Variants in BDKRB2 observed in about 807,000 individuals in gnomAD.
BDKRB2 encodes the protein B2 bradykinin receptor.
A neutral mutation model predicts 4.0 loss-of-function variants in BDKRB2; 6 were observed. That is an observed-to-expected ratio of 1.49 (90% CI 0.81 to 2.93). The LOEUF (loss-of-function observed/expected upper bound fraction) is 2.93, where lower values mean the gene tolerates loss of function less well. BDKRB2 is among the 30% of genes most tolerant of loss of function. BDKRB2 has a pLI of 0.00. For synonymous variants in BDKRB2, 225 were observed against 215.3 expected (o/e 1.05, Z -0.40); for missense variants, 478 against 520.1 (o/e 0.92, Z 0.79).
chr14:96,236,506 A>G (rs529838270), intron 1 of BDKRB2, among the ~76,000 whole-genome samples: 9 of 152,208 alleles, frequency 5.9e-5, no homozygotes, highest in African/African-American at 1.4e-4. Flanking sequence ...TCCATGTCCA[A>G]TCAAGCACTA....
At position 96,240,318 on chromosome 14, in the gene BDKRB2, C is replaced by T. The variant is rs143088846; in HGVS notation, c.75-85C>T. The T allele has an allele frequency of 1.5e-4, 208 of 1,378,122 alleles. 3 individuals carry two copies. The African/African-American group carries it at 1.7e-3, about 11-fold the overall frequency. 85.4% of individuals were successfully genotyped at this position (1,378,122 alleles called of 1,614,324 possible). A position where few individuals can be genotyped will look rare whatever the true frequency, so the allele number is the denominator to read the frequency against. ...CTTCTCCTTGCCCTGGCTGGTTGTC[C>T]TTAACCCCTGTCTCCTTCTGGACCA... On this transcript the variant is annotated intron_variant, in intron 2 of 2. Coordinates refer to ENST00000554311, the MANE Select transcript of BDKRB2 (RefSeq NM_001379692.1).
intron 1 of BDKRB2, chr14:96,234,040 G>A (rs1595261823): frequency 6.6e-6 from 1 of 152,316 alleles, no homozygotes; most frequent in African/African-American, 2.4e-5. Context: ...CTGTGGTCCA[G>A]AGAGATGGAG....
At chr14:96,205,231 A>C (rs1890147332) in intron 1 of BDKRB2, among the ~76,000 whole-genome samples, 1 of 151,914 alleles carries the variant, frequency 6.6e-6, no homozygotes, top group Non-Finnish European at 1.5e-5. Flanking sequence ...CCAGTGTGTG[A>C]GGGATTTCGT....
intron 2 of BDKRB2, chr14:96,239,374 C>T (rs1031674717): frequency 2.2e-5 from 22 of 985,310 alleles, no homozygotes; most frequent in African/African-American, 1.4e-4. Flanking sequence ...CAAGACCACA[C>T]AGCTAGGAGT....
intron 1 of BDKRB2, among the ~76,000 whole-genome samples, chr14:96,217,355 G>A (rs1289343041): frequency 3.9e-5 from 6 of 152,246 alleles, no homozygotes; most frequent in Non-Finnish European, 8.8e-5. Context: ...GCTAGTCACC[G>A]CAGACGGTCA....
At position 96,243,847 on chromosome 14, in the gene BDKRB2, A is replaced by G. The variant is rs1029571642; in HGVS notation, c.*2343A>G. The G allele has an allele frequency of 4.1e-6, 1 of 241,202 alleles. No homozygotes were observed. Among genetic ancestry groups the G allele is most frequent in the Non-Finnish European group, 7.9e-6 (1 of 127,134 alleles). 14.9% of individuals were successfully genotyped at this position (241,202 alleles called of 1,614,324 possible). On this transcript the variant is annotated 3_prime_UTR_variant, in exon 3 of 3. Transcript: ENST00000554311. ...ACTGTGCCACACATGGTGAATGAAA[A>G]AAAAAAAAAGAGGCTGTGTTTTGTC...
At chr14:96,230,620 GT>G (rs35987165) in intron 1 of BDKRB2, among the ~76,000 whole-genome samples, 85,348 of 136,412 alleles carry the variant, frequency 0.63, 26,518 homozygotes, top group African/African-American at 0.73. Flanking sequence ...CTTTGCTGTA[GT>G]TTTTTTTTTT....
intron 1 of BDKRB2, among the ~76,000 whole-genome samples, chr14:96,209,544 C>A (rs1039680373): frequency 2.6e-5 from 4 of 152,088 alleles, no homozygotes; most frequent in Admixed American, 2.6e-4. Flanking sequence ...AAGGAAAAAT[C>A]GGGGGAAGGT....
At chr14:96,220,002 A>C (rs772094110) in intron 1 of BDKRB2, among the ~76,000 whole-genome samples, 26 of 152,024 alleles carry the variant, frequency 1.7e-4, no homozygotes, top group Admixed American at 3.3e-4. Flanking sequence ...TTGGACTTGA[A>C]ACTGGTCACT....
intron 1 of BDKRB2, among the ~76,000 whole-genome samples, chr14:96,228,746 T>C (rs1197009417): frequency 6.6e-6 from 1 of 152,172 alleles, no homozygotes; most frequent in Non-Finnish European, 1.5e-5. Flanking sequence ...GGTGGGGCTT[T>C]TGCCAGAGAG....
chr14:96,213,894 G>T (rs1362677105), intron 1 of BDKRB2, among the ~76,000 whole-genome samples: 1 of 152,210 alleles, frequency 6.6e-6, no homozygotes, highest in East Asian at 1.9e-4. Context: ...CTGGAGCCTG[G>T]CCTGGGTCTT....
rs555282423 is a variant in BDKRB2, at chr14:96,229,520, G to T, written c.-39-7549G>T. Among the ~76,000 whole-genome samples, 12 of 152,278 alleles carry T rather than the reference G, an allele frequency of 7.9e-5. No homozygotes were observed. The South Asian group carries it at 2.1e-3, about 26-fold the overall frequency. On this transcript the variant is annotated intron_variant, in intron 1 of 2. Transcript: ENST00000554311. ...GGCCCATGCAGGGAGTTGAGGACAA[G>T]CTTCCTTAGTGAAAGCCAGCTGGCT...
intron 1 of BDKRB2, among the ~76,000 whole-genome samples, chr14:96,207,173 G>A (rs908179349): frequency 6.6e-6 from 1 of 152,110 alleles, no homozygotes; most frequent in South Asian, 2.1e-4. Flanking sequence ...TGAAAGTAGG[G>A]GCCTTGTCTA....
chr14:96,242,799 T>C lies in BDKRB2; in HGVS notation c.*1295T>C, dbSNP rs976325752. On this transcript the variant is annotated 3_prime_UTR_variant, in exon 3 of 3. Transcript: ENST00000554311. ...AGAGTGCAGGCCTGCTCAGGGACTG[T>C]TCCTGTCTCAGCAACCAAGGGATTG... 2.6e-5 allele frequency: 4 copies of C among 152,418 alleles called. No individual in the cohort carries two copies. The highest frequency in any genetic ancestry group is 9.6e-5 in the African/African-American group (4 of 41,460). The allele number at this position is 152,418 out of a possible 1,614,324, so 9.4% of individuals were successfully genotyped here. A position where few individuals can be genotyped will look rare whatever the true frequency, so the allele number is the denominator to read the frequency against.
chr14:96,240,340 A>G, intron 2 of BDKRB2, 63 bp from the exon 3 acceptor site: 1 of 1,395,036 alleles, frequency 7.2e-7, no homozygotes, highest in Admixed American at 2.7e-5. Flanking sequence ...CTCCTTCTGG[A>G]CCAGTTTTTG....
chr14:96,219,569 C>T (rs1430354636), intron 1 of BDKRB2, among the ~76,000 whole-genome samples: 1 of 150,434 alleles, frequency 6.6e-6, no homozygotes, highest in African/African-American at 2.4e-5. Flanking sequence ...GAAAAAAATG[C>T]CCTAACTGTA....
chr14:96,224,290 C>CA (rs1046036614), intron 1 of BDKRB2, among the ~76,000 whole-genome samples: 14 of 151,376 alleles, frequency 9.2e-5, no homozygotes, highest in Non-Finnish European at 1.6e-4. Flanking sequence ...AGTTAAAAAG[C>CA]AAAAAAAAGA....
chr14:96,239,154 C>G, intron 2 of BDKRB2: 1 of 985,554 alleles, frequency 1.0e-6, no homozygotes. Flanking sequence ...TTTTCCTTCT[C>G]TCACCCACAG....
rs1885373287 is a variant in BDKRB2 at position 96,243,918 on chromosome 14, T to C, written c.*2414T>C. 1 of 357,148 alleles carries C rather than the reference T, an allele frequency of 2.8e-6. No homozygotes were observed. Among genetic ancestry groups the C allele is most frequent in the Non-Finnish European group, 5.0e-6 (1 of 200,998 alleles). 22.1% of individuals were successfully genotyped at this position (357,148 alleles called of 1,614,324 possible). On this transcript the variant is annotated 3_prime_UTR_variant, in exon 3 of 3. Coordinates refer to ENST00000554311, the MANE Select transcript of BDKRB2 (RefSeq NM_001379692.1). The stretch of plus-strand genomic sequence containing the variant: ...ACCAGAGCACGTGATGGTCTGAGAC[T>C]CTCTTAGGAGCAGAGCTCTGCCGCA...
Sources: allele counts gnomAD v4.1 joint callset (sites outside exome capture counted in the v4.1 genomes callset), GRCh38; gene constraint gnomAD v4.1.1; transcripts MANE v1.5; gene names NCBI Gene and HGNC (gene_info 2026-07-23, HGNC 2026-07-21).